The following IGF2BP2 variants were observed in gnomAD, a reference collection of about 807,000 sequenced individuals.
The protein encoded by IGF2BP2 is insulin like growth factor 2 mRNA binding protein 2, also known as insulin-like growth factor 2 mRNA-binding protein 2.
A neutral mutation model predicts 75.8 loss-of-function variants in IGF2BP2; 17 were observed. The observed-to-expected ratio is 0.22, with a 90% confidence interval of 0.15 to 0.34. The LOEUF (loss-of-function observed/expected upper bound fraction) is 0.34, where lower values mean the gene tolerates loss of function less well. IGF2BP2 is among the 10% of genes least tolerant of loss of function. The pLI, the probability that IGF2BP2 is intolerant of heterozygous loss-of-function variation, is 1.00. For synonymous variants in IGF2BP2, 288 were observed against 295.6 expected (o/e 0.97, Z 0.26); for missense variants, 516 against 772.4 (o/e 0.67, Z 3.93).
intron 10 of IGF2BP2, among the ~76,000 whole-genome samples, chr3:185,666,558 G>C (rs1000976051): frequency 6.6e-6 from 1 of 152,112 alleles, no homozygotes; most frequent in Non-Finnish European, 1.5e-5. Context: ...TGAACCCGGA[G>C]GCAGAGGTTA....
At chr3:185,665,338 G>GATATCTACAA (rs1717231546) in intron 10 of IGF2BP2, among the ~76,000 whole-genome samples, 1 of 114,286 alleles carries the variant, frequency 8.7e-6, no homozygotes. Context: ...GGAGGAGGAG[G>GATATCTACAA]AGGAGAAGGA....
At chr3:185,788,204 T>C (rs1313893723) in intron 2 of IGF2BP2, among the ~76,000 whole-genome samples, 11 of 152,196 alleles carry the variant, frequency 7.2e-5, no homozygotes, top group Admixed American at 6.5e-4. Context: ...AGGTGGATTC[T>C]AGGATCCCTG....
chr3:185,815,150 A>T (rs193046376), intron 2 of IGF2BP2, among the ~76,000 whole-genome samples: 34 of 152,254 alleles, frequency 2.2e-4, no homozygotes, highest in African/African-American at 7.5e-4. Context: ...AATGATTTTT[A>T]AAAAAACCTC....
chr3:185,698,475 A>C, intron 2 of IGF2BP2, 128 bp from the exon 3 acceptor site: 1 of 787,042 alleles, frequency 1.3e-6, no homozygotes. Context: ...ATCAACAAAA[A>C]ATTCCTACTG....
At chr3:185,823,258 G>T in intron 1 of IGF2BP2, 45 bp from the exon 2 acceptor site, 1 of 1,482,566 alleles carries the variant, frequency 6.7e-7, no homozygotes, top group Non-Finnish European at 9.3e-7. Context: ...CTTAGATCAA[G>T]CCCGCGGGGG....
At chr3:185,789,344 T>C (rs924023463) in intron 2 of IGF2BP2, among the ~76,000 whole-genome samples, 1 of 152,076 alleles carries the variant, frequency 6.6e-6, no homozygotes, top group Non-Finnish European at 1.5e-5. Flanking sequence ...CTTAGAACTG[T>C]CACAAACACA....
At chr3:185,759,260 G>GA (rs1277624362) in intron 2 of IGF2BP2, among the ~76,000 whole-genome samples, 1 of 152,100 alleles carries the variant, frequency 6.6e-6, no homozygotes, top group Admixed American at 6.5e-5. Context: ...AAGAGAAACG[G>GA]AAAAAAAGTA....
At chr3:185,704,151 A>C (rs902465166) in intron 2 of IGF2BP2, among the ~76,000 whole-genome samples, 1 of 152,178 alleles carries the variant, frequency 6.6e-6, no homozygotes, top group Admixed American at 6.5e-5. Context: ...ATCAGATGAT[A>C]AAAGGGATTT....
intron 2 of IGF2BP2, among the ~76,000 whole-genome samples, chr3:185,785,366 G>A (rs528724709): frequency 2.1e-4 from 31 of 150,896 alleles, no homozygotes; most frequent in South Asian, 6.3e-4. Flanking sequence ...GGTAGAGACC[G>A]TTATGCCCCA....
At chr3:185,713,786 C>T (rs954957579) in intron 2 of IGF2BP2, among the ~76,000 whole-genome samples, 10 of 152,176 alleles carry the variant, frequency 6.6e-5, no homozygotes, top group African/African-American at 2.4e-4. Flanking sequence ...CTGAAACCTC[C>T]ACCTCCTGGG....
rs141668482 is a variant in IGF2BP2 at position 185,650,705 on chromosome 3, AT to A, written c.1462-1172del. 7.9e-3 allele frequency among the ~76,000 whole-genome samples: 1,197 copies of A among 151,074 alleles called. 14 individuals carry two copies. Among genetic ancestry groups the A allele is most frequent in the African/African-American group, 0.027 (1,083 of 40,518 alleles). On this transcript the variant is annotated intron_variant, in intron 13 of 15. Coordinates refer to ENST00000382199, the MANE Select transcript of IGF2BP2 (RefSeq NM_006548.6). ...AAAATAAAAACTGAAAAAAAAAAAAATATATCAATTTCAGTGGTCAGTATGT... is the reference window on the plus strand; with the variant it reads ...AAAATAAAAACTGAAAAAAAAAAAAAATATCAATTTCAGTGGTCAGTATGT...
At chr3:185,822,923 G>A (rs1333569034) in intron 2 of IGF2BP2, among the ~76,000 whole-genome samples, 1 of 151,284 alleles carries the variant, frequency 6.6e-6, no homozygotes, top group Admixed American at 6.6e-5. Flanking sequence ...GCTGGTGTTC[G>A]CCACCCCGAC....
intron 2 of IGF2BP2, chr3:185,712,668 G>T (rs569223916): frequency 6.6e-6 from 1 of 152,098 alleles, no homozygotes; most frequent in African/African-American, 2.4e-5. Flanking sequence ...AGAAGGTAAG[G>T]AGCAGAAAGA....
chr3:185,698,311 G>A lies in IGF2BP2; in HGVS notation c.276C>T (p.His92=). Residue 92 remains histidine (H), a synonymous_variant, in exon 3 of 16, where the codon CAC becomes CAT. Transcript: ENST00000382199. ...GACACTGGCTTACCTCCCACTGCAG[G>A]TGAGGAGGGATGTTTCGAATCTGAA... The part of the protein sequence containing the change: ...RKIQIRNIPP[H]LQWEVLDGLL... 1.9e-6 allele frequency: 3 copies of A among 1,613,666 alleles called. No homozygotes were observed. The highest frequency in any genetic ancestry group is 1.1e-5 in the South Asian group (1 of 91,070).
At chr3:185,656,675 C>T (rs1408723624) in intron 12 of IGF2BP2, among the ~76,000 whole-genome samples, 8 of 152,172 alleles carry the variant, frequency 5.3e-5, no homozygotes, top group Non-Finnish European at 1.0e-4. Context: ...GCAAATAATC[C>T]TCCCCTTTCA....
At chr3:185,690,801 G>T (rs1004673756) in intron 5 of IGF2BP2, among the ~76,000 whole-genome samples, 2 of 152,148 alleles carry the variant, frequency 1.3e-5, no homozygotes, top group Non-Finnish European at 2.9e-5. Flanking sequence ...TTATCAATTT[G>T]ATAGGGGATA....
chr3:185,677,068 T>TATATATATATTATATATAGAGAGAGAG, intron 7 of IGF2BP2, among the ~76,000 whole-genome samples: 2 of 35,876 alleles, frequency 5.6e-5, no homozygotes, highest in African/African-American at 3.1e-4. Context: ...TATATATATA[T>TATATATATATTATATATAGAGAGAGAG]AGAGAGAGAG....
At chr3:185,783,630 G>A (rs965741637) in intron 2 of IGF2BP2, among the ~76,000 whole-genome samples, 6 of 152,134 alleles carry the variant, frequency 3.9e-5, no homozygotes, top group African/African-American at 9.7e-5. Context: ...CTGACTGGCC[G>A]AAGTGGTTAA....
At chr3:185,808,057 A>C (rs1300796865) in intron 2 of IGF2BP2, among the ~76,000 whole-genome samples, 1 of 151,904 alleles carries the variant, frequency 6.6e-6, no homozygotes, top group Non-Finnish European at 1.5e-5. Context: ...AGGTAGGAGA[A>C]TAGCTTGAGC....
Sources: allele counts gnomAD v4.1 joint callset (sites outside exome capture counted in the v4.1 genomes callset), GRCh38; gene constraint gnomAD v4.1.1; transcripts MANE v1.5; gene names NCBI Gene and HGNC (gene_info 2026-07-23, HGNC 2026-07-21).